CYP4B1: variants seen among roughly 807,000 people sequenced by gnomAD.
CYP4B1 encodes cytochrome P450 4B1.
Under a neutral mutation model 54.0 loss-of-function variants are expected in CYP4B1, and 45 were observed. The ratio of observed to expected loss-of-function variants is 0.83; its 90% CI spans 0.66 to 1.07. The LOEUF is 1.07. Ranked by LOEUF, CYP4B1 falls within the 50% of genes least tolerant of loss-of-function variation. The pLI, the probability that CYP4B1 is intolerant of heterozygous loss-of-function variation, is 0.00. For missense variants in CYP4B1, 656 were observed against 655.4 expected, an observed-to-expected ratio of 1.00 and a Z score of -0.01; for synonymous variants, 248 against 247.5, an observed-to-expected ratio of 1.00 and a Z score of -0.02.
chr1:46,815,526 C>T (rs1679302634), intron 8 of CYP4B1: 1 of 328,226 alleles, frequency 3.0e-6, no homozygotes, highest in East Asian at 5.1e-5. Context: ...ATTTTGTGTG[C>T]TAACTTCTTC....
At chr1:46,801,979 A>G (rs1158592052) in intron 1 of CYP4B1, among the ~76,000 whole-genome samples, 1 of 152,162 alleles carries the variant, frequency 6.6e-6, no homozygotes, top group African/African-American at 2.4e-5. Flanking sequence ...TTGGTCTCTG[A>G]TTACAGTCTG....
chr1:46,800,204 T>TC (rs767564199), intron 1 of CYP4B1, among the ~76,000 whole-genome samples: 13,424 of 48,288 alleles, frequency 0.28, 3,246 homozygotes, highest in East Asian at 0.6. Flanking sequence ...TTTCTCTTTC[T>TC]TTCTTTCTTT....
intron 7 of CYP4B1, 134 bp downstream of exon 7, chr1:46,814,449 T>A: frequency 1.4e-6 from 1 of 692,226 alleles, no homozygotes; most frequent in East Asian, 2.7e-5. Context: ...CCTCGTCCCA[T>A]GAAACATATT....
At chr1:46,813,218 C>T (rs1235475316) in intron 4 of CYP4B1, among the ~76,000 whole-genome samples, 1 of 152,214 alleles carries the variant, frequency 6.6e-6, no homozygotes, top group African/African-American at 2.4e-5. Flanking sequence ...ATAGGCTGCC[C>T]TGACTGGGAG....
At chr1:46,807,714 G>A (rs1378946210) in intron 1 of CYP4B1, among the ~76,000 whole-genome samples, 2 of 152,252 alleles carry the variant, frequency 1.3e-5, no homozygotes, top group African/African-American at 4.8e-5. Context: ...GGCAGTGAGG[G>A]AAGGGATCAA....
chr1:46,800,977 C>A (rs1406777303), intron 1 of CYP4B1, among the ~76,000 whole-genome samples: 1 of 152,180 alleles, frequency 6.6e-6, no homozygotes, highest in Non-Finnish European at 1.5e-5. Flanking sequence ...GATCTCAGCA[C>A]CTGTCCTGTT....
chr1:46,818,132 T>C lies in CYP4B1; in HGVS notation c.1274T>C (p.Val425Ala). 6.2e-7 allele frequency: 1 copy of C among 1,614,002 alleles called. No homozygotes were observed. The highest frequency in any genetic ancestry group is 8.5e-7 in the Non-Finnish European group (1 of 1,179,962). Residue 425 changes from valine to alanine, a missense_variant and splice_region_variant, in exon 11 of 12, where the codon GTC becomes GCC. Coordinates refer to ENST00000371923, the MANE Select transcript of CYP4B1 (RefSeq NM_001099772.2). ...RNSAVWPDPE[V>A]FDSLRFSTEN... ...TTTAAGCAAGGCCTGTCCCTTCAGG[T>C]CTTTGACTCTCTGCGCTTTTCCACT... is the stretch of plus-strand genomic sequence containing the variant.
intron 1 of CYP4B1, among the ~76,000 whole-genome samples, chr1:46,802,536 A>G (rs1386816132): frequency 6.6e-6 from 1 of 152,196 alleles, no homozygotes; most frequent in African/African-American, 2.4e-5. Flanking sequence ...TTAAATCATC[A>G]TAGAGGGATT....
At position 46,815,152 on chromosome 1, in the gene CYP4B1, A is replaced by G; in HGVS notation, c.961A>G (p.Thr321Ala). The G allele has an allele frequency of 6.2e-7, 1 of 1,614,118 alleles. No homozygotes were observed. The highest frequency in any genetic ancestry group is 2.2e-5 in the East Asian group (1 of 44,880). ...DTFMFEGHDT[T>A]TSGISWFLYC... is the part of the protein sequence containing the mutation. ...ATTCATGTTTGAAGGCCATGACACCACCACCAGTGGTATCTCCTGGTTTCT... is the reference window on the plus strand; with the variant it reads ...ATTCATGTTTGAAGGCCATGACACCGCCACCAGTGGTATCTCCTGGTTTCT... Residue 321 changes from threonine (T) to alanine (A), a missense_variant, in exon 8 of 12, where the codon ACC becomes GCC. Thr to Ala is a moderately conservative substitution (Grantham distance 58). Transcript: ENST00000371923.
Position 46,817,039 on chromosome 1 carries a change from T to G in CYP4B1, c.1074-9T>G. ...CATTCCAAGAATGTTCTGGTTGTGT[T>G]GCTGGCAGGGATGATCTGGGCAAAA... On this transcript the variant is annotated splice_polypyrimidine_tract_variant and intron_variant, in intron 8 of 11. Coordinates refer to ENST00000371923, the MANE Select transcript of CYP4B1 (RefSeq NM_001099772.2). 4 of 1,613,402 alleles carry G rather than the reference T, an allele frequency of 2.5e-6. No individual in the cohort carries two copies. Among genetic ancestry groups the G allele is most frequent in the Non-Finnish European group, 3.4e-6 (4 of 1,179,460 alleles).
intron 1 of CYP4B1, among the ~76,000 whole-genome samples, chr1:46,809,568 AGTT>A (rs563139819): frequency 1.4e-4 from 22 of 152,302 alleles, no homozygotes; most frequent in African/African-American, 5.3e-4. Context: ...GACCACTTAG[AGTT>A]GTTGTGAGGA....
At chr1:46,800,215 C>CTTTCTTTTTT (rs59067536) in intron 1 of CYP4B1, among the ~76,000 whole-genome samples, 1 of 28,844 alleles carries the variant, frequency 3.5e-5, no homozygotes, top group African/African-American at 9.3e-5. Context: ...TTCTTTCTTT[C>CTTTCTTTTTT]TCTTTCTCTC....
Position 46,818,174 on chromosome 1 carries a change from G to T in CYP4B1, c.1316G>T (p.Arg439Leu). The T allele has an allele frequency of 6.2e-7, 1 of 1,614,104 alleles. No individual in the cohort carries two copies. The highest frequency in any genetic ancestry group is 8.5e-7 in the Non-Finnish European group (1 of 1,180,018). ...LRFSTENASKRHPFAFMPFSA... is the reference protein window; with the variant it reads ...LRFSTENASKLHPFAFMPFSA... ...TTTTCCACTGAGAATGCATCCAAAC[G>T]CCATCCCTTTGCCTTTATGCCCTTC... Residue 439 changes from arginine (R) to leucine (L), a missense_variant, in exon 11 of 12, where the codon CGC (arginine) becomes CTC (leucine). By Grantham distance (102) the Arg-to-Leu change is moderately radical (BLOSUM62 -2). Transcript: ENST00000371923.
Position 46,813,476 on chromosome 1 carries a change from C to T in CYP4B1, c.496-6C>T, listed in dbSNP as rs754510916. 3 of 1,614,146 alleles carry T rather than the reference C, an allele frequency of 1.9e-6. No individual in the cohort carries two copies. Among genetic ancestry groups the T allele is most frequent in the Non-Finnish European group, 2.5e-6 (3 of 1,180,024 alleles). On this transcript the variant is annotated splice_polypyrimidine_tract_variant and splice_region_variant and intron_variant, in intron 4 of 11. Coordinates refer to ENST00000371923, the MANE Select transcript of CYP4B1 (RefSeq NM_001099772.2). ...CTACACATTGCCTCCTATCCCTGGA[C>T]TCCAGGACAAGTGGGAAGAGAAAGC...
chr1:46,804,185 G>A (rs937478182), intron 1 of CYP4B1, among the ~76,000 whole-genome samples: 7 of 152,128 alleles, frequency 4.6e-5, no homozygotes, highest in African/African-American at 9.7e-5. Context: ...GCTGCCCATG[G>A]CAGCCACTGG....
intron 1 of CYP4B1, among the ~76,000 whole-genome samples, chr1:46,802,855 C>G (rs886130662): frequency 6.6e-6 from 1 of 152,174 alleles, no homozygotes; most frequent in African/African-American, 2.4e-5. Context: ...GATGCTGAGG[C>G]ACATTCTCAA....
At chr1:46,800,244 TCC>T (rs67103711) in intron 1 of CYP4B1, among the ~76,000 whole-genome samples, 33,785 of 78,902 alleles carry the variant, frequency 0.43, 10,937 homozygotes, top group East Asian at 0.56. Flanking sequence ...TTTCTTTCCT[TCC>T]TTCCTTCCTT....
At chr1:46,811,280 G>C in intron 3 of CYP4B1, 96 bp downstream of exon 3, 1 of 1,316,658 alleles carries the variant, frequency 7.6e-7, no homozygotes, top group South Asian at 1.2e-5. Context: ...GGTTATCCCA[G>C]ATGGCCTAGT....
intron 1 of CYP4B1, among the ~76,000 whole-genome samples, chr1:46,800,294 C>CCTTCT (rs1678597760): frequency 1.2e-5 from 1 of 80,826 alleles, no homozygotes; most frequent in African/African-American, 5.4e-5. Context: ...TCCTTCCTTC[C>CCTTCT]TTCCTTCTTT....
Sources: allele counts gnomAD v4.1 joint callset (sites outside exome capture counted in the v4.1 genomes callset), GRCh38; gene constraint gnomAD v4.1.1; transcripts MANE v1.5; gene names NCBI Gene and HGNC (gene_info 2026-07-23, HGNC 2026-07-21).